Variants in TM9SF1 observed in about 807,000 individuals in gnomAD.
The protein encoded by TM9SF1 is MP70 protein family member.
In TM9SF1, 25 loss-of-function variants were observed where a neutral mutation model predicts 52.4. The ratio of observed to expected loss-of-function variants is 0.48; its 90% CI spans 0.35 to 0.67. TM9SF1 has a LOEUF of 0.67. TM9SF1 is among the 30% of genes least tolerant of loss of function. The pLI is 0.01. For synonymous variants in TM9SF1, 284 were observed against 299.8 expected (o/e 0.95, Z 0.55); for missense variants, 604 against 780.3 (o/e 0.77, Z 2.69).
rs2039329802 is a variant in TM9SF1, at chr14:24,192,082, G to C, written c.1153+89C>G. The C allele has an allele frequency of 7.4e-7, 1 of 1,360,452 alleles. No individual in the cohort carries two copies. Among genetic ancestry groups the C allele is most frequent in the Admixed American group, 1.7e-5 (1 of 58,432 alleles). 84.3% of individuals were successfully genotyped at this position (1,360,452 alleles called of 1,614,324 possible). A position where few individuals can be genotyped will look rare whatever the true frequency, so the allele number is the denominator to read the frequency against. ...CGGCCTCGGTCTCCCAAAGTGCTAG[G>C]ATTACAGGTGTGAGCCACTGTGACC... On this transcript the variant is annotated intron_variant, in intron 4 of 5. Coordinates refer to ENST00000261789, the MANE Select transcript of TM9SF1 (RefSeq NM_006405.7). This position sits in a 1 kb window ranked among gnomAD's most constrained non-coding sequence, Gnocchi z 4.0.
At chr14:24,194,582 C>G (rs2039370283) in intron 2 of TM9SF1, 93 bp downstream of exon 2, 1 of 1,229,392 alleles carries the variant, frequency 8.1e-7, no homozygotes, top group South Asian at 1.4e-5. Context: ...TCAAATCAGA[C>G]AATTTCCATA....
At position 24,190,667 on chromosome 14, in the gene TM9SF1, C is replaced by A. The variant is rs766024661; in HGVS notation, c.1154-14G>T. 4 of 1,596,328 alleles carry A rather than the reference C, an allele frequency of 2.5e-6. No homozygotes were observed. Among genetic ancestry groups the A allele is most frequent in the African/African-American group, 1.3e-5 (1 of 74,482 alleles). On this transcript the variant is annotated splice_polypyrimidine_tract_variant and intron_variant, in intron 4 of 5. Coordinates refer to ENST00000261789, the MANE Select transcript of TM9SF1 (RefSeq NM_006405.7). ...GGAAGAAAGGCACTGCAGGGATGGG[C>A]CCCCGGAGGGAGGGTCAACACTAGG...
In TM9SF1 at chr14:24,192,835, C is replaced by T. The variant is rs928857606; in HGVS notation, c.780G>A (p.Val260=). 11 of 1,613,518 alleles carry T rather than the reference C, an allele frequency of 6.8e-6. 1 individual carries two copies. The highest frequency in any genetic ancestry group is 2.2e-5 in the South Asian group (2 of 90,990). Reference sequence around the variant, plus strand: ...TGTACCGAGCCAGGTCATTCCGAAGCACACGCATTAGAATGACAGCCACAA... The same window carrying T: ...TGTACCGAGCCAGGTCATTCCGAAGTACACGCATTAGAATGACAGCCACAA... ...VGFVAVILMR[V]LRNDLARYNL... Residue 260 remains valine, a synonymous_variant, in exon 3 of 6, where the codon GTG becomes GTA. Transcript: ENST00000261789. This position sits in a 1 kb window ranked among gnomAD's most constrained non-coding sequence, Gnocchi z 4.0.
Position 24,192,433 on chromosome 14 carries a change from C to A in TM9SF1, c.968-77G>T, listed in dbSNP as rs111435072. ...AGCAATTTCAGAGGAATCAGCCCCCCTTCTCCCAGACCCAGGGCCTCCAGC... is the reference window on the plus strand; with the variant it reads ...AGCAATTTCAGAGGAATCAGCCCCCATTCTCCCAGACCCAGGGCCTCCAGC... On this transcript the variant is annotated intron_variant, in intron 3 of 5. Coordinates refer to ENST00000261789, the MANE Select transcript of TM9SF1 (RefSeq NM_006405.7). The surrounding 1 kb of genome is among the most constrained non-coding windows in gnomAD (Gnocchi z 4.0). The A allele has an allele frequency of 1.3e-6, 2 of 1,502,616 alleles. No individual in the cohort carries two copies. The highest frequency in any genetic ancestry group is 4.7e-5 in the East Asian group (2 of 42,394). 93.1% of individuals were successfully genotyped at this position (1,502,616 alleles called of 1,614,324 possible). A position where few individuals can be genotyped will look rare whatever the true frequency, so the allele number is the denominator to read the frequency against.
In TM9SF1 at chr14:24,195,393, C is replaced by T; in HGVS notation, c.-65G>A. 1 of 229,668 alleles carries T rather than the reference C, an allele frequency of 4.4e-6. No homozygotes were observed. The highest frequency in any genetic ancestry group is 1.0e-4 in the East Asian group (1 of 9,964). The allele number at this position is 229,668 out of a possible 1,614,324, so 14.2% of individuals were successfully genotyped here. On this transcript the variant is annotated 5_prime_UTR_variant, in exon 1 of 6. Transcript: ENST00000261789. ...GCGGCGCCAGCGGCCTTCGCGCCCC[C>T]GTAGCTGCCTTTGGGCTCCTGCTGG...
chr14:24,195,235 C>T (rs1371085854), intron 1 of TM9SF1, 111 bp downstream of exon 1: 2 of 571,130 alleles, frequency 3.5e-6, no homozygotes, highest in Admixed American at 3.1e-5. Flanking sequence ...TCACCCCACC[C>T]GCAGCCCGTC....
intron 2 of TM9SF1, 56 bp from the exon 3 acceptor site, chr14:24,193,325 C>A (rs561744913): frequency 3.9e-6 from 6 of 1,525,932 alleles, no homozygotes; most frequent in African/African-American, 1.4e-5. Flanking sequence ...CGCAGAGTTA[C>A]AGCAAAGTTT....
chr14:24,194,129 T>G (rs1421011526), intron 2 of TM9SF1, among the ~76,000 whole-genome samples: 1 of 152,190 alleles, frequency 6.6e-6, no homozygotes, highest in Non-Finnish European at 1.5e-5. Context: ...GACAAAACTG[T>G]TCCCTGTTGA....
intron 4 of TM9SF1, among the ~76,000 whole-genome samples, chr14:24,191,414 A>G (rs564513830): frequency 2.0e-5 from 3 of 152,264 alleles, no homozygotes; most frequent in Non-Finnish European, 4.4e-5. Flanking sequence ...AGGGTTCAGA[A>G]CAGAGACTAC....
At chr14:24,190,986 CGAGT>C (rs2039315806) in intron 4 of TM9SF1, among the ~76,000 whole-genome samples, 6 of 151,692 alleles carry the variant, frequency 4.0e-5, no homozygotes, top group Admixed American at 3.3e-4. Flanking sequence ...CTCAGCCTCC[CGAGT>C]GAGTAGCTAG....
rs1410666260 is a variant in TM9SF1 at position 24,190,375 on chromosome 14, G to T, written c.1427+5C>A. ...AGTAATAGCCATGGAATAAAGGGAG[G>T]ATACCTGAAAGGCAGGAAGCCTCCA... On this transcript the variant is annotated splice_donor_5th_base_variant and intron_variant, in intron 5 of 5. Coordinates refer to ENST00000261789, the MANE Select transcript of TM9SF1 (RefSeq NM_006405.7). The T allele has an allele frequency of 6.4e-7, 1 of 1,565,098 alleles. No individual in the cohort carries two copies. The highest frequency in any genetic ancestry group is 1.2e-5 in the South Asian group (1 of 82,844).
rs764531188 is a variant in TM9SF1, at chr14:24,194,792, G to C, written c.228C>G (p.Ser76Arg). Residue 76 changes from serine to arginine, a missense_variant, in exon 2 of 6, where the codon AGC (serine) becomes AGG (arginine). Coordinates refer to ENST00000261789, the MANE Select transcript of TM9SF1 (RefSeq NM_006405.7). ...VCCPEKIRHK[S>R]LSLGEVLDGD... ...CATCCAGCACTTCACCCAGGCTAAG[G>C]CTTTTGTGACGTATCTTCTCAGGGC... is the stretch of plus-strand genomic sequence containing the variant. The C allele has an allele frequency of 2.6e-5, 42 of 1,614,106 alleles. No individual in the cohort carries two copies. Among genetic ancestry groups the C allele is most frequent in the Non-Finnish European group, 3.4e-5 (40 of 1,180,050 alleles).
rs2039330119 is a variant in TM9SF1 at position 24,192,113 on chromosome 14, C to T, written c.1153+58G>A. 10 of 1,557,882 alleles carry T rather than the reference C, an allele frequency of 6.4e-6. No individual in the cohort carries two copies. The Admixed American group carries it at 6.7e-5, about 10-fold the overall frequency. On this transcript the variant is annotated intron_variant, in intron 4 of 5. Coordinates refer to ENST00000261789, the MANE Select transcript of TM9SF1 (RefSeq NM_006405.7). The surrounding 1 kb of genome is among the most constrained non-coding windows in gnomAD (Gnocchi z 4.0). Reference sequence around the variant, plus strand: ...AGGTGTGAGCCACTGTGACCAGCCACAATGTGTTCTTCATTCCTAAGTCCA... The same window carrying T: ...AGGTGTGAGCCACTGTGACCAGCCATAATGTGTTCTTCATTCCTAAGTCCA...
chr14:24,190,063 G>GTTGAATA, intron 5 of TM9SF1: 1 of 1,355,962 alleles, frequency 7.4e-7, no homozygotes, highest in Non-Finnish European at 9.5e-7. Context: ...TTTATTCTTT[G>GTTGAATA]CCTGGCACAA....
Position 24,194,841 on chromosome 14 carries a change from T to C in TM9SF1, c.179A>G (p.His60Arg), listed in dbSNP as rs1205008469. The change falls in exon 2 of 6, where the codon CAC becomes CGC. Residue 60 changes from histidine to arginine, a missense_variant. Physicochemically the swap from His to Arg is conservative, Grantham distance 29. Coordinates refer to ENST00000261789, the MANE Select transcript of TM9SF1 (RefSeq NM_006405.7). ...GPYHNPQETY[H>R]YYQLPVCCPE... ...GCAGCAGACTGGAAGCTGATAGTAG[T>C]GGTAAGTTTCCTGAGGGTTATGGTA... 2 of 1,614,082 alleles carry C rather than the reference T, an allele frequency of 1.2e-6. No homozygotes were observed. The highest frequency in any genetic ancestry group is 1.7e-6 in the Non-Finnish European group (2 of 1,180,044).
chr14:24,193,513 C>A (rs2039354421), intron 2 of TM9SF1, among the ~76,000 whole-genome samples: 1 of 151,596 alleles, frequency 6.6e-6, no homozygotes, highest in South Asian at 2.1e-4. Context: ...ATTACAGGCG[C>A]CCACCACCAC....
Position 24,194,939 on chromosome 14 carries a change from C to T in TM9SF1, c.81G>A (p.Gly27=), listed in dbSNP as rs556069222. The T allele has an allele frequency of 2.5e-6, 4 of 1,614,238 alleles. No individual in the cohort carries two copies. In the South Asian group the frequency reaches 3.3e-5, roughly 13 times the overall value. Residue 27 remains glycine (G), a synonymous_variant, in exon 2 of 6, where the codon GGG becomes GGA. Coordinates refer to ENST00000261789, the MANE Select transcript of TM9SF1 (RefSeq NM_006405.7). ...AGTGTGTCACGCCTTCCACCCCTGG[C>T]CCATGGCCTGTGCCCAGCAACAGTA... ...ILILLLGTGH[G]PGVEGVTHYK... is the part of the protein sequence containing the mutation.
In TM9SF1 at chr14:24,192,561, G is replaced by T; in HGVS notation, c.967+87C>A. ...CTTAGGTCTGCCCCTCTGGATAGAA[G>T]AGAAGATCCACAGACCTTTTCTGAA... On this transcript the variant is annotated intron_variant, in intron 3 of 5. Coordinates refer to ENST00000261789, the MANE Select transcript of TM9SF1 (RefSeq NM_006405.7). The surrounding 1 kb of genome is among the most constrained non-coding windows in gnomAD (Gnocchi z 4.0). 1 of 1,480,780 alleles carries T rather than the reference G, an allele frequency of 6.8e-7. No homozygotes were observed. The highest frequency in any genetic ancestry group is 1.3e-5 in the South Asian group (1 of 74,770). The allele number at this position is 1,480,780 out of a possible 1,614,324, so 91.7% of individuals were successfully genotyped here.
At chr14:24,191,235 A>C (rs1475570875) in intron 4 of TM9SF1, among the ~76,000 whole-genome samples, 3 of 152,198 alleles carry the variant, frequency 2.0e-5, no homozygotes, top group Non-Finnish European at 4.4e-5. Flanking sequence ...GCTACTACAT[A>C]ATCTGAGAGT....
Sources: gnomAD v4.1 joint callset for allele counts (sites outside exome capture counted in the v4.1 genomes callset) on GRCh38, gnomAD v4.1.1 for gene constraint, Gnocchi (gnomAD v3.1) non-coding constraint, MANE v1.5 for transcripts, NCBI Gene and HGNC (gene_info 2026-07-23, HGNC 2026-07-21) for gene names.